RWDD1: variants seen among roughly 807,000 people sequenced by gnomAD.
The protein encoded by RWDD1 is RWD domain containing 1.
RWDD1 carries 17 observed loss-of-function variants against 31.6 expected under a neutral mutation model. The ratio of observed to expected loss-of-function variants is 0.54; its 90% CI spans 0.37 to 0.81. RWDD1 has a LOEUF of 0.81. Among genes scored for constraint, RWDD1 ranks in the 30% least tolerant of loss-of-function variants. RWDD1 has a pLI of 0.00. For synonymous variants in RWDD1, 78 were observed against 94.2 expected, an observed-to-expected ratio of 0.83 and a Z score of 0.99; for missense variants, 204 against 274.5, an observed-to-expected ratio of 0.74 and a Z score of 1.82.
chr6:116,580,392 C>T (rs1016401995), intron 2 of RWDD1, 32 bp downstream of exon 2: 1 of 1,503,306 alleles, frequency 6.7e-7, no homozygotes, highest in South Asian at 1.2e-5. Context: ...TGTGGTTTTT[C>T]TAAATTTCTC....
Position 116,584,608 on chromosome 6 carries a change from C to T in RWDD1, c.140-119C>T, listed in dbSNP as rs1246566257. On this transcript the variant is annotated intron_variant, in intron 2 of 6. Transcript: ENST00000466444. ...TTACATTAGTGATTATCCATCTGGT[C>T]TCTTAATAACCTTTTTCTTTGTAGG... The T allele has an allele frequency of 4.9e-6, 4 of 810,556 alleles. No individual in the cohort carries two copies. The African/African-American group carries it at 5.2e-5, about 11-fold the overall frequency. The allele number at this position is 810,556 out of a possible 1,614,324, so 50.2% of individuals were successfully genotyped here.
At chr6:116,578,376 G>T (rs1774888089) in intron 1 of RWDD1, among the ~76,000 whole-genome samples, 1 of 152,110 alleles carries the variant, frequency 6.6e-6, no homozygotes, top group Admixed American at 6.6e-5. Context: ...TATAAATCAT[G>T]GTCTTGTGCC....
In RWDD1 at chr6:116,574,756, C is replaced by T. The variant is rs1371867723; in HGVS notation, c.73+3101C>T. ...CCTTCCTTCCTTCCACCTCCCCTCC[C>T]CTTCCCTCCCCTCCCCTCCCCTTCC... On this transcript the variant is annotated intron_variant, in intron 1 of 6. Coordinates refer to ENST00000466444, the MANE Select transcript of RWDD1 (RefSeq NM_015952.4). Among the ~76,000 whole-genome samples the T allele has an allele frequency of 5.6e-5, 8 of 143,750 alleles. No homozygotes were observed. The Admixed American group carries it at 5.6e-4, about 10-fold the overall frequency. The allele number at this position is 143,750 out of a possible 152,430, so 94.3% of individuals were successfully genotyped here.
Position 116,593,162 on chromosome 6 carries a change from G to T in RWDD1, c.*61G>T. On this transcript the variant is annotated 3_prime_UTR_variant, in exon 7 of 7. Coordinates refer to ENST00000466444, the MANE Select transcript of RWDD1 (RefSeq NM_015952.4). ...ACAGCATCTGTGGCTATGCTCAGAG[G>T]GTTATGATTTTCCTTTCTTTTTTTC... is the stretch of plus-strand genomic sequence containing the variant. The T allele has an allele frequency of 6.9e-7, 1 of 1,454,626 alleles. No homozygotes were observed. Among genetic ancestry groups the T allele is most frequent in the South Asian group, 1.5e-5 (1 of 67,022 alleles). The allele number at this position is 1,454,626 out of a possible 1,614,324, so 90.1% of individuals were successfully genotyped here. A position where few individuals can be genotyped will look rare whatever the true frequency, so the allele number is the denominator to read the frequency against.
intron 1 of RWDD1, among the ~76,000 whole-genome samples, chr6:116,578,555 A>G (rs76447248): frequency 0.018 from 2,760 of 152,320 alleles, 79 homozygotes; most frequent in African/African-American, 0.063. Context: ...CCTTATTTCT[A>G]TAGTTGCAGT....
intron 1 of RWDD1, among the ~76,000 whole-genome samples, chr6:116,579,033 G>A (rs1220127236): frequency 6.6e-6 from 1 of 152,030 alleles, no homozygotes; most frequent in African/African-American, 2.4e-5. Context: ...GCGCCACCAC[G>A]CCTGGCTATT....
At chr6:116,579,926 G>A (rs757462680) in intron 1 of RWDD1, among the ~76,000 whole-genome samples, 1 of 152,132 alleles carries the variant, frequency 6.6e-6, no homozygotes, top group East Asian at 1.9e-4. Flanking sequence ...GTATCAGTGG[G>A]TAGTTTCAGG....
At position 116,590,253 on chromosome 6, in the gene RWDD1, T is replaced by A; in HGVS notation, c.415-19T>A. 7.0e-7 allele frequency: 1 copy of A among 1,435,504 alleles called. No homozygotes were observed. Among genetic ancestry groups the A allele is most frequent in the Non-Finnish European group, 9.4e-7 (1 of 1,058,380 alleles). The allele number at this position is 1,435,504 out of a possible 1,614,324, so 88.9% of individuals were successfully genotyped here. On this transcript the variant is annotated intron_variant, in intron 4 of 6. Coordinates refer to ENST00000466444, the MANE Select transcript of RWDD1 (RefSeq NM_015952.4). Reference sequence around the variant, plus strand: ...TGCTGTTTCATTAATCTGGTGACTTTTTTTTTTTATTTCCTAAGCAATTAT... The same window carrying A: ...TGCTGTTTCATTAATCTGGTGACTTATTTTTTTTATTTCCTAAGCAATTAT...
At chr6:116,585,908 C>T (rs966651169) in intron 3 of RWDD1, among the ~76,000 whole-genome samples, 4 of 152,150 alleles carry the variant, frequency 2.6e-5, no homozygotes, top group Non-Finnish European at 5.9e-5. Context: ...ATCCTTCTGC[C>T]TCAGCCTCCC....
chr6:116,590,460 A>G (rs1775122506), intron 5 of RWDD1, 56 bp downstream of exon 5: 1 of 1,493,784 alleles, frequency 6.7e-7, no homozygotes, highest in Non-Finnish European at 8.9e-7. Flanking sequence ...CATTTTTTAT[A>G]TAGCAAGAGG....
rs574830942 is a variant in RWDD1, at chr6:116,576,032, A to AT, written c.74-4262dup. Among the ~76,000 whole-genome samples the AT allele has an allele frequency of 7.2e-5, 11 of 152,354 alleles. No homozygotes were observed. In the East Asian group the frequency reaches 2.1e-3, roughly 29 times the overall value. On this transcript the variant is annotated intron_variant, in intron 1 of 6. Transcript: ENST00000466444. ...GTCAGTATGCTCAGTTAAAAATGGC[A>AT]TAACTTTAAGAGTGGATATTGGGAG... is the stretch of plus-strand genomic sequence containing the variant.
chr6:116,579,449 C>T (rs1309627470), intron 1 of RWDD1, among the ~76,000 whole-genome samples: 2 of 152,148 alleles, frequency 1.3e-5, no homozygotes, highest in African/African-American at 4.8e-5. Context: ...TTCTTTGTTA[C>T]TGTTTTTCCT....
chr6:116,594,053 A>C lies in RWDD1; in HGVS notation c.*952A>C, dbSNP rs1775199835. The C allele has an allele frequency of 6.6e-6, 1 of 150,546 alleles. No individual in the cohort carries two copies. The highest frequency in any genetic ancestry group is 1.5e-5 in the Non-Finnish European group (1 of 68,006). 9.3% of individuals were successfully genotyped at this position (150,546 alleles called of 1,614,324 possible). A position where few individuals can be genotyped will look rare whatever the true frequency, so the allele number is the denominator to read the frequency against. The stretch of plus-strand genomic sequence containing the variant: ...TCACGCTGCTTCCACTCATGGTAGA[A>C]GGGGAAGAGGCACTATGTGTGTAGA... On this transcript the variant is annotated 3_prime_UTR_variant, in exon 7 of 7. Coordinates refer to ENST00000466444, the MANE Select transcript of RWDD1 (RefSeq NM_015952.4).
At chr6:116,583,150 T>C (rs2115329821) in intron 2 of RWDD1, among the ~76,000 whole-genome samples, 1 of 152,028 alleles carries the variant, frequency 6.6e-6, no homozygotes, top group Non-Finnish European at 1.5e-5. Context: ...GCTCAATTTT[T>C]CAACTTTTTG....
At chr6:116,590,008 A>G (rs1002871910) in intron 4 of RWDD1, among the ~76,000 whole-genome samples, 5 of 152,164 alleles carry the variant, frequency 3.3e-5, no homozygotes, top group Admixed American at 2.6e-4. Context: ...ATGAATAGCT[A>G]TGGTGGTAAA....
At chr6:116,584,507 A>G (rs1470408274) in intron 2 of RWDD1, among the ~76,000 whole-genome samples, 1 of 152,218 alleles carries the variant, frequency 6.6e-6, no homozygotes, top group East Asian at 1.9e-4. Context: ...ATAAGTGGTA[A>G]ATGTGCTTCA....
intron 2 of RWDD1, among the ~76,000 whole-genome samples, chr6:116,584,234 C>G (rs1048515923): frequency 2.6e-5 from 4 of 152,146 alleles, no homozygotes; most frequent in Non-Finnish European, 5.9e-5. Context: ...TCCCATATAA[C>G]CTTTTATACT....
rs533958774 is a variant in RWDD1, at chr6:116,591,108, A to G, written c.610+158A>G. On this transcript the variant is annotated intron_variant, in intron 6 of 6. Transcript: ENST00000466444. ...AGACCCTGACTCTATTAAAAAAAAA[A>G]AAAAGAATTCCACATGTATATAATG... Among the ~76,000 whole-genome samples the G allele has an allele frequency of 3.3e-3, 495 of 152,166 alleles. 14 individuals are homozygous for G. Among genetic ancestry groups the G allele is most frequent in the Admixed American group, 0.024 (368 of 15,278 alleles).
rs550700935 is a variant in RWDD1, at chr6:116,572,770, C to T, written c.73+1115C>T. ...TTAACTTATAAATTCCAACCCCTCTCCCTTTCATTGTTTAGCTTAGTTTTC... is the reference window on the plus strand; with the variant it reads ...TTAACTTATAAATTCCAACCCCTCTTCCTTTCATTGTTTAGCTTAGTTTTC... On this transcript the variant is annotated intron_variant, in intron 1 of 6. Coordinates refer to ENST00000466444, the MANE Select transcript of RWDD1 (RefSeq NM_015952.4). The T allele has an allele frequency of 1.3e-4, 108 of 821,724 alleles. 1 individual carries two copies. The South Asian group carries it at 5.7e-3, about 44-fold the overall frequency. 50.9% of individuals were successfully genotyped at this position (821,724 alleles called of 1,614,324 possible). A position where few individuals can be genotyped will look rare whatever the true frequency, so the allele number is the denominator to read the frequency against.
Sources: gnomAD v4.1 joint callset for allele counts (sites outside exome capture counted in the v4.1 genomes callset) on GRCh38, gnomAD v4.1.1 for gene constraint, MANE v1.5 for transcripts, NCBI Gene and HGNC (gene_info 2026-07-23, HGNC 2026-07-21) for gene names.